Variants in CSMD1 observed in about 807,000 individuals in gnomAD.
CSMD1 encodes CUB and sushi domain-containing protein 1.
In CSMD1, 213 loss-of-function variants were observed where a neutral mutation model predicts 417.5. That is an observed-to-expected ratio of 0.51 (90% confidence interval 0.46 to 0.57). CSMD1 has a LOEUF of 0.57. CSMD1 is among the 20% of genes least tolerant of loss of function. The probability of loss-of-function intolerance (pLI) is 0.00; values close to 1 mark genes in which losing one functional copy is unlikely to be tolerated. For missense variants in CSMD1, 6,923 were observed against 4,529.7 expected, an observed-to-expected ratio of 1.53 and a Z score of -15.17; for synonymous variants, 2,862 against 1,736.8, an observed-to-expected ratio of 1.65 and a Z score of -16.11.
intron 40 of CSMD1, among the ~76,000 whole-genome samples, chr8:3,144,802 GGGGA>G (rs1171796055): frequency 7.3e-6 from 1 of 137,890 alleles, no homozygotes; most frequent in African/African-American, 2.7e-5. Flanking sequence ...CAAGGGGGGG[GGGGA>G]GGGAGGGAGG....
intron 1 of CSMD1, among the ~76,000 whole-genome samples, chr8:4,980,183 G>T (rs906602825): frequency 6.6e-6 from 1 of 152,206 alleles, no homozygotes; most frequent in South Asian, 2.1e-4. Flanking sequence ...TGTCACCAGT[G>T]ACAGCTCTCA....
intron 47 of CSMD1, among the ~76,000 whole-genome samples, chr8:3,095,473 T>C (rs999538108): frequency 2.6e-5 from 4 of 152,106 alleles, no homozygotes; most frequent in Admixed American, 6.5e-5. Flanking sequence ...GCTCTGAAAA[T>C]GAAAATATTG....
At chr8:3,843,653 A>G (rs1250533976) in intron 5 of CSMD1, among the ~76,000 whole-genome samples, 2 of 152,204 alleles carry the variant, frequency 1.3e-5, no homozygotes, top group Non-Finnish European at 2.9e-5. Flanking sequence ...GCATTTTCAA[A>G]GAGACAGGCC....
chr8:2,999,957 C>T lies in CSMD1; in HGVS notation c.8203+1G>A, dbSNP rs766679495. ...AATTCGTCCACAAAGAGTGCACTTACGGACACAGACAGGCGTTTGTCCAGA... is the reference window on the plus strand; with the variant it reads ...AATTCGTCCACAAAGAGTGCACTTATGGACACAGACAGGCGTTTGTCCAGA... On this transcript the variant is annotated splice_donor_variant, in intron 53 of 69. Transcript: ENST00000635120. LOFTEE classifies it high-confidence loss of function. 3 of 1,606,858 alleles carry T rather than the reference C, an allele frequency of 1.9e-6. No individual in the cohort carries two copies. The highest frequency in any genetic ancestry group is 1.7e-6 in the Non-Finnish European group (2 of 1,177,358).
intron 5 of CSMD1, among the ~76,000 whole-genome samples, chr8:3,972,721 G>C (rs983417147): frequency 6.6e-6 from 1 of 152,130 alleles, no homozygotes; most frequent in Non-Finnish European, 1.5e-5. Context: ...CACTACTTGT[G>C]GGAGTAAACA....
chr8:4,177,218 A>G (rs1178718472), intron 3 of CSMD1, among the ~76,000 whole-genome samples: 6 of 152,350 alleles, frequency 3.9e-5, no homozygotes, highest in Non-Finnish European at 8.8e-5. Context: ...AAGAGAAATT[A>G]TAACAAACTG....
At position 4,658,490 on chromosome 8, in the gene CSMD1, A is replaced by T. The variant is rs554846194; in HGVS notation, c.86-20932T>A. ...GCAAAAAAGCAAAAACAAAAACAAA[A>T]ACTCTATCAAACTCACTATTCTACA... is the stretch of plus-strand genomic sequence containing the variant. On this transcript the variant is annotated intron_variant, in intron 1 of 69. Transcript: ENST00000635120. Among the ~76,000 whole-genome samples the T allele has an allele frequency of 2.6e-5, 4 of 152,236 alleles. No homozygotes were observed. The South Asian group carries it at 8.3e-4, about 32-fold the overall frequency.
chr8:4,822,651 A>G (rs17432859), intron 1 of CSMD1, among the ~76,000 whole-genome samples: 7,014 of 152,172 alleles, frequency 0.046, 243 homozygotes, highest in Non-Finnish European at 0.071. Flanking sequence ...TACTTGAGAT[A>G]CTTTGTTCAC....
In CSMD1 at chr8:4,878,581, G is replaced by A. The variant is rs545362397; in HGVS notation, c.85+115751C>T. Among the ~76,000 whole-genome samples, 111 of 151,740 alleles carry A rather than the reference G, an allele frequency of 7.3e-4. 2 individuals carry two copies. The highest frequency in any genetic ancestry group is 2.4e-3 in the African/African-American group (100 of 41,312). On this transcript the variant is annotated intron_variant, in intron 1 of 69. Transcript: ENST00000635120. ...GTCAATAGAATACAAGACACAAAAA[G>A]AGAGCATAATTTCTATCACCAGTTA...
chr8:3,494,089 A>G (rs1023953222), intron 10 of CSMD1, among the ~76,000 whole-genome samples: 6 of 152,206 alleles, frequency 3.9e-5, no homozygotes, highest in Non-Finnish European at 8.8e-5. Context: ...AATGACATAT[A>G]TTTTTACCAT....
chr8:4,367,927 T>C (rs1255962507), intron 3 of CSMD1, among the ~76,000 whole-genome samples: 1 of 152,136 alleles, frequency 6.6e-6, no homozygotes, highest in Admixed American at 6.6e-5. Flanking sequence ...ACTGAAGTTG[T>C]TTATCAGTTC....
chr8:3,512,797 G>C (rs577723107), intron 10 of CSMD1, among the ~76,000 whole-genome samples: 2 of 151,790 alleles, frequency 1.3e-5, no homozygotes, highest in Non-Finnish European at 2.9e-5. Flanking sequence ...CTAGAGACAG[G>C]GTTTCACCAT....
chr8:4,260,546 C>A (rs1235440240), intron 3 of CSMD1, among the ~76,000 whole-genome samples: 1 of 152,068 alleles, frequency 6.6e-6, no homozygotes, highest in African/African-American at 2.4e-5. Flanking sequence ...AGCCAGAATA[C>A]CTGGATTTTA....
intron 3 of CSMD1, among the ~76,000 whole-genome samples, chr8:4,073,857 A>C (rs1279794404): frequency 6.6e-6 from 1 of 152,136 alleles, no homozygotes; most frequent in Non-Finnish European, 1.5e-5. Flanking sequence ...AAAACAGTTT[A>C]AATTCAGTAA....
intron 15 of CSMD1, among the ~76,000 whole-genome samples, chr8:3,399,975 G>T (rs1307629351): frequency 6.6e-6 from 1 of 152,162 alleles, no homozygotes; most frequent in Non-Finnish European, 1.5e-5. Context: ...TACTTCCATT[G>T]TGTGCATTTT....
chr8:4,061,596 TC>T lies in CSMD1; in HGVS notation c.416-29498del, dbSNP rs1798975997. On this transcript the variant is annotated intron_variant, in intron 3 of 69. Coordinates refer to ENST00000635120, the MANE Select transcript of CSMD1 (RefSeq NM_033225.6). ...GACTATGGTAAGGAAGTTGTCTGGT[TC>T]CAGACACTAGGACCTGTTTACCAGA... is the stretch of plus-strand genomic sequence containing the variant. 2.0e-5 allele frequency among the ~76,000 whole-genome samples: 3 copies of T among 152,190 alleles called. No individual in the cohort carries two copies. In the South Asian group the frequency reaches 6.2e-4, roughly 32 times the overall value.
chr8:4,391,736 C>G, intron 3 of CSMD1, among the ~76,000 whole-genome samples: 1 of 152,174 alleles, frequency 6.6e-6, no homozygotes, highest in East Asian at 1.9e-4. Context: ...TGCAATGTGC[C>G]TGAAGCCTTC....
rs962171801 is a variant in CSMD1 at position 3,574,111 on chromosome 8, A to C, written c.1344+834T>G. Among the ~76,000 whole-genome samples the C allele has an allele frequency of 5.3e-5, 8 of 152,354 alleles. No individual in the cohort carries two copies. The East Asian group carries it at 1.5e-3, about 29-fold the overall frequency. ...GTATTACCCTCTATTACTACCCTGG[A>C]GGAAATATATATTTTACACAAAGTA... On this transcript the variant is annotated intron_variant, in intron 10 of 69. Transcript: ENST00000635120.
intron 15 of CSMD1, 74 bp downstream of exon 15, chr8:3,405,953 G>A (rs1291494937): frequency 3.5e-6 from 5 of 1,420,266 alleles, no homozygotes; most frequent in African/African-American, 1.4e-5. Context: ...AACACAGTTT[G>A]TTGGTTTGTG....
Sources: allele counts gnomAD v4.1 joint callset (sites outside exome capture counted in the v4.1 genomes callset), GRCh38; gene constraint gnomAD v4.1.1; transcripts MANE v1.5; gene names NCBI Gene and HGNC (gene_info 2026-07-23, HGNC 2026-07-21).